Variants in TTLL5 observed in about 807,000 individuals in gnomAD.
TTLL5 encodes the protein tubulin polyglutamylase TTLL5.
In TTLL5, 132 loss-of-function variants were observed where a neutral mutation model predicts 168.4. The ratio of observed to expected loss-of-function variants is 0.78; its 90% CI spans 0.68 to 0.91. TTLL5 has a LOEUF of 0.91. Ranked by LOEUF, TTLL5 falls within the 40% of genes least tolerant of loss-of-function variation. The pLI is 0.00. For missense variants in TTLL5, 1,545 were observed against 1,581.5 expected (o/e 0.98, Z 0.39); for synonymous variants, 546 against 558.6 (o/e 0.98, Z 0.32).
chr14:75,830,295 A>G (rs1398835277), intron 28 of TTLL5, among the ~76,000 whole-genome samples: 3 of 152,242 alleles, frequency 2.0e-5, no homozygotes, highest in Non-Finnish European at 4.4e-5. Context: ...GGTCCAGTCC[A>G]CCTTACCACT....
At chr14:75,844,223 G>T (rs1159136130) in intron 28 of TTLL5, among the ~76,000 whole-genome samples, 4 of 152,160 alleles carry the variant, frequency 2.6e-5, no homozygotes, top group Non-Finnish European at 4.4e-5. Context: ...GTTAATTTTT[G>T]TATGAGGTAT....
intron 12 of TTLL5, among the ~76,000 whole-genome samples, chr14:75,722,062 A>G (rs1754286918): frequency 1.3e-5 from 2 of 152,310 alleles, no homozygotes; most frequent in South Asian, 2.1e-4. Flanking sequence ...TAACTCTTCT[A>G]GAATTCCATT....
At chr14:75,833,502 C>T (rs1210193511) in intron 28 of TTLL5, among the ~76,000 whole-genome samples, 3 of 152,126 alleles carry the variant, frequency 2.0e-5, no homozygotes, top group Non-Finnish European at 2.9e-5. Flanking sequence ...ATTTGGATTC[C>T]TTCTTTTTTT....
intron 6 of TTLL5, among the ~76,000 whole-genome samples, chr14:75,692,701 G>C (rs1454341412): frequency 6.6e-6 from 1 of 152,118 alleles, no homozygotes; most frequent in Non-Finnish European, 1.5e-5. Context: ...GCGAGGCAGG[G>C]GTCAAAGAGG....
intron 30 of TTLL5, among the ~76,000 whole-genome samples, chr14:75,884,444 C>T (rs539281191): frequency 6.6e-6 from 1 of 152,316 alleles, no homozygotes; most frequent in South Asian, 2.1e-4. Context: ...AACTCTGCAG[C>T]CTCCTGAGAT....
chr14:75,773,074 T>C (rs1566597535), intron 21 of TTLL5, among the ~76,000 whole-genome samples: 1 of 152,348 alleles, frequency 6.6e-6, no homozygotes, highest in East Asian at 1.9e-4. Context: ...TTGTAATTTT[T>C]AGTCCTCCAC....
At chr14:75,776,479 C>T (rs2140318912) in intron 22 of TTLL5, among the ~76,000 whole-genome samples, 1 of 152,298 alleles carries the variant, frequency 6.6e-6, no homozygotes, top group South Asian at 2.1e-4. Context: ...CCTCTTTAAT[C>T]AATGGGCTGT....
intron 1 of TTLL5, among the ~76,000 whole-genome samples, chr14:75,662,292 A>G (rs1044805403): frequency 4.6e-5 from 7 of 151,022 alleles, no homozygotes; most frequent in African/African-American, 1.7e-4. Context: ...CGTGCTTGTC[A>G]TAGAGTCTAA....
intron 28 of TTLL5, among the ~76,000 whole-genome samples, chr14:75,855,733 T>C (rs1354944386): frequency 6.6e-6 from 1 of 152,170 alleles, no homozygotes; most frequent in Non-Finnish European, 1.5e-5. Flanking sequence ...CAAAAAGAAC[T>C]GATCTGAGCT....
At chr14:75,856,661 C>T (rs1207719756) in intron 28 of TTLL5, among the ~76,000 whole-genome samples, 1 of 124,994 alleles carries the variant, frequency 8.0e-6, no homozygotes, top group Non-Finnish European at 1.6e-5. Context: ...GAGTCTCTCT[C>T]TGTTGCCCAG....
At chr14:75,692,920 T>A (rs1362423672) in intron 6 of TTLL5, among the ~76,000 whole-genome samples, 1 of 152,014 alleles carries the variant, frequency 6.6e-6, no homozygotes, top group Non-Finnish European at 1.5e-5. Context: ...GCCAGAGATG[T>A]AGATTCTGGA....
At chr14:75,693,300 G>A (rs959997356) in intron 6 of TTLL5, among the ~76,000 whole-genome samples, 2 of 152,194 alleles carry the variant, frequency 1.3e-5, no homozygotes, top group African/African-American at 2.4e-5. Context: ...GGCAGAAAGG[G>A]ATTGGAATAG....
intron 3 of TTLL5, among the ~76,000 whole-genome samples, chr14:75,670,270 G>T (rs1242225466): frequency 2.0e-5 from 3 of 151,132 alleles, no homozygotes; most frequent in Non-Finnish European, 2.9e-5. Context: ...TCACTGTGTT[G>T]CCTATGTTGG....
At chr14:75,941,751 C>T (rs2034612233) in intron 31 of TTLL5, among the ~76,000 whole-genome samples, 1 of 151,944 alleles carries the variant, frequency 6.6e-6, no homozygotes, top group Non-Finnish European at 1.5e-5. Context: ...AGTGATTCTC[C>T]CTCCTCAGCC....
chr14:75,896,071 G>A (rs1284720644), intron 30 of TTLL5, among the ~76,000 whole-genome samples: 5 of 152,196 alleles, frequency 3.3e-5, no homozygotes, highest in Non-Finnish European at 7.3e-5. Flanking sequence ...TGCCTTTACT[G>A]CACAAAAGTT....
At chr14:75,821,864 C>G (rs761070315) in intron 28 of TTLL5, among the ~76,000 whole-genome samples, 5 of 152,148 alleles carry the variant, frequency 3.3e-5, no homozygotes, top group Non-Finnish European at 7.4e-5. Context: ...TGGTCTTTTC[C>G]TTTTCTTTTT....
Position 75,690,222 on chromosome 14 carries a change from G to A in TTLL5, c.402G>A (p.Leu134=), listed in dbSNP as rs1885353068. 2 of 1,613,392 alleles carry A rather than the reference G, an allele frequency of 1.2e-6. No individual in the cohort carries two copies. Among genetic ancestry groups the A allele is most frequent in the South Asian group, 1.1e-5 (1 of 90,930 alleles). Residue 134 remains leucine, a synonymous_variant, in exon 6 of 32, where the codon CTG becomes CTA. Coordinates refer to ENST00000298832, the MANE Select transcript of TTLL5 (RefSeq NM_015072.5). ...ATGAACTTACCCGGAAGGACCGACT[G>A]TACAAAAACATTATTCGAATGCAGC... ...RSYELTRKDR[L]YKNIIRMQHT...
At position 75,791,105 on chromosome 14, in the gene TTLL5, C is replaced by CAAAAAAAAAAAAA. The variant is rs372035829; in HGVS notation, c.2987-1804_2987-1792dup. Among the ~76,000 whole-genome samples, 59 of 77,252 alleles carry CAAAAAAAAAAAAA rather than the reference C, an allele frequency of 7.6e-4. 6 individuals are homozygous for CAAAAAAAAAAAAA. Among genetic ancestry groups the CAAAAAAAAAAAAA allele is most frequent in the African/African-American group, 4.1e-3 (54 of 13,136 alleles). 50.7% of individuals were successfully genotyped at this position (77,252 alleles called of 152,430 possible). On this transcript the variant is annotated intron_variant, in intron 26 of 31. Transcript: ENST00000298832. ...TGGGTGACAGAGCAAGACTCTGTCT[C>CAAAAAAAAAAAAA]AAAAAAAAAAAAAAAAAAATACCAC...
intron 18 of TTLL5, among the ~76,000 whole-genome samples, chr14:75,755,574 C>T (rs1890202971): frequency 6.6e-6 from 1 of 152,026 alleles, no homozygotes; most frequent in African/African-American, 2.4e-5. Flanking sequence ...TGTATAATTG[C>T]CTGTTTACTA....
Sources: gnomAD v4.1 joint callset for allele counts (sites outside exome capture counted in the v4.1 genomes callset) on GRCh38, gnomAD v4.1.1 for gene constraint, MANE v1.5 for transcripts, NCBI Gene and HGNC (gene_info 2026-07-23, HGNC 2026-07-21) for gene names.